FSD1L: variants seen among roughly 807,000 people sequenced by gnomAD.
FSD1L encodes FSD1-like protein.
A neutral mutation model predicts 71.6 loss-of-function variants in FSD1L; 45 were observed. That is an observed-to-expected ratio of 0.63 (90% confidence interval 0.49 to 0.81). The LOEUF is 0.81. Among genes scored for constraint, FSD1L ranks in the 30% least tolerant of loss-of-function variants. FSD1L has a pLI of 0.00. For missense variants in FSD1L, 561 were observed against 618.1 expected (o/e 0.91, Z 0.98); for synonymous variants, 197 against 207.2 (o/e 0.95, Z 0.42).
intron 10 of FSD1L, among the ~76,000 whole-genome samples, chr9:105,529,871 A>C (rs1374408288): frequency 4.6e-5 from 7 of 152,166 alleles, no homozygotes; most frequent in Non-Finnish European, 1.0e-4. Flanking sequence ...GGGGACTTTC[A>C]TTAAAGAAGT....
chr9:105,509,606 A>G (rs1358452534), intron 9 of FSD1L, among the ~76,000 whole-genome samples: 1 of 151,824 alleles, frequency 6.6e-6, no homozygotes, highest in East Asian at 1.9e-4. Context: ...ACCTGCCAGA[A>G]ATTTGATTGG....
chr9:105,475,146 G>A (rs1831711615), intron 5 of FSD1L, among the ~76,000 whole-genome samples: 1 of 152,144 alleles, frequency 6.6e-6, no homozygotes, highest in Non-Finnish European at 1.5e-5. Flanking sequence ...TTTAGACCTT[G>A]ACTTCTCTCT....
rs1337287138 is a variant in FSD1L at position 105,490,986 on chromosome 9, T to C, written c.586+6484T>C. ...TTGGCTTAGGATTGACTTGGCGATG[T>C]GGGCTCTTTTTTGGTTCCATATGAA... On this transcript the variant is annotated intron_variant, in intron 7 of 13. Coordinates refer to ENST00000481272, the MANE Select transcript of FSD1L (RefSeq NM_001145313.3). 4.1e-3 allele frequency among the ~76,000 whole-genome samples: 617 copies of C among 150,350 alleles called. 3 individuals are homozygous for C. The highest frequency in any genetic ancestry group is 0.014 in the African/African-American group (577 of 40,772).
intron 7 of FSD1L, among the ~76,000 whole-genome samples, chr9:105,495,893 A>G (rs772498540): frequency 1.3e-5 from 2 of 151,376 alleles, no homozygotes; most frequent in Non-Finnish European, 2.9e-5. Flanking sequence ...AATGGCATGA[A>G]CCCGGGAGGC....
At chr9:105,442,691 GAA>G in the FSD1L span, among the ~76,000 whole-genome samples, 17 of 141,128 alleles carry the variant, frequency 1.2e-4, no homozygotes, top group African/African-American at 3.8e-4. Flanking sequence ...CTGTCTCAAA[GAA>G]AAAAAAAAAA....
intron 12 of FSD1L, among the ~76,000 whole-genome samples, chr9:105,537,834 T>C (rs1411469312): frequency 6.6e-6 from 1 of 152,174 alleles, no homozygotes; most frequent in East Asian, 1.9e-4. Context: ...GCTAGTGCTT[T>C]TCACATAGAA....
intron 3 of FSD1L, among the ~76,000 whole-genome samples, chr9:105,464,548 G>A (rs1830930316): frequency 6.6e-6 from 1 of 152,194 alleles, no homozygotes. Context: ...AATAGTAGTT[G>A]TTAGAAAATA....
intron 6 of FSD1L, 86 bp from the exon 7 acceptor site, chr9:105,484,295 T>C (rs765891611): frequency 3.0e-6 from 3 of 988,614 alleles, no homozygotes; most frequent in Non-Finnish European, 4.2e-6. Context: ...ATTAGTGATA[T>C]AATTTGTCTT....
intron 4 of FSD1L, among the ~76,000 whole-genome samples, chr9:105,468,703 C>T (rs1831235754): frequency 6.6e-6 from 1 of 152,080 alleles, no homozygotes; most frequent in South Asian, 2.1e-4. Context: ...CCATGTTGGC[C>T]AGGCTGGTCT....
chr9:105,522,267 G>T (rs1020424433), intron 10 of FSD1L: 6 of 1,613,408 alleles, frequency 3.7e-6, no homozygotes, highest in Non-Finnish European at 4.2e-6. Flanking sequence ...ATTAACTAAA[G>T]TTTTAGCTAG....
upstream of FSD1L, chr9:105,447,978 C>T (rs1173480297): frequency 1.8e-6 from 1 of 545,104 alleles, no homozygotes; most frequent in Non-Finnish European, 3.2e-6. Flanking sequence ...CGGGAGCAGT[C>T]AGCCGCTGCG....
chr9:105,507,668 C>G (rs1158246206), intron 8 of FSD1L, among the ~76,000 whole-genome samples: 2 of 152,042 alleles, frequency 1.3e-5, no homozygotes, highest in Non-Finnish European at 2.9e-5. Flanking sequence ...ACATAAAAAA[C>G]GTTTCATAAA....
At chr9:105,545,150 G>T (rs1452273180) in intron 13 of FSD1L, among the ~76,000 whole-genome samples, 1 of 151,608 alleles carries the variant, frequency 6.6e-6, no homozygotes, top group East Asian at 1.9e-4. Context: ...CACATCCCGT[G>T]TAAGTTGGAT....
intron 7 of FSD1L, among the ~76,000 whole-genome samples, chr9:105,485,780 A>T (rs755725868): frequency 4.7e-4 from 72 of 151,904 alleles, no homozygotes; most frequent in Non-Finnish European, 7.9e-4. Context: ...AGTAGCTGGG[A>T]CTACAGGCAG....
At chr9:105,483,208 CTGT>C (rs533636377) in intron 6 of FSD1L, among the ~76,000 whole-genome samples, 195 of 152,296 alleles carry the variant, frequency 1.3e-3, no homozygotes, top group African/African-American at 4.4e-3. Flanking sequence ...AACACATCAA[CTGT>C]TGTTTACTCA....
intron 7 of FSD1L, among the ~76,000 whole-genome samples, chr9:105,490,094 G>T (rs376235637): frequency 6.6e-6 from 1 of 152,170 alleles, no homozygotes; most frequent in Non-Finnish European, 1.5e-5. Context: ...ACTTCCACAA[G>T]GGATGAACTA....
chr9:105,490,338 T>G (rs1289311727), intron 7 of FSD1L, among the ~76,000 whole-genome samples: 1 of 152,086 alleles, frequency 6.6e-6, no homozygotes, highest in Admixed American at 6.5e-5. Flanking sequence ...CTTCGCCCAC[T>G]TTTTGATGGA....
chr9:105,475,653 T>C (rs1348042130), intron 5 of FSD1L, among the ~76,000 whole-genome samples: 1 of 152,230 alleles, frequency 6.6e-6, no homozygotes, highest in Non-Finnish European at 1.5e-5. Context: ...CAGGTCAAAT[T>C]GTAGTTTTCA....
chr9:105,489,077 A>G (rs1414471002), intron 7 of FSD1L, among the ~76,000 whole-genome samples: 2 of 152,138 alleles, frequency 1.3e-5, no homozygotes, highest in Non-Finnish European at 2.9e-5. Context: ...GACAATGACT[A>G]TATCAGCTGA....
Sources: gnomAD v4.1 joint callset for allele counts (sites outside exome capture counted in the v4.1 genomes callset) on GRCh38, gnomAD v4.1.1 for gene constraint, MANE v1.5 for transcripts, NCBI Gene and HGNC (gene_info 2026-07-23, HGNC 2026-07-21) for gene names.